PTPRM: variants seen among roughly 807,000 people sequenced by gnomAD.
The protein encoded by PTPRM is receptor-type tyrosine-protein phosphatase mu.
PTPRM carries 47 observed loss-of-function variants against 186.7 expected under a neutral mutation model. The observed-to-expected ratio is 0.25, with a 90% CI of 0.20 to 0.32. PTPRM has a LOEUF of 0.32. Among genes scored for constraint, PTPRM ranks in the 10% least tolerant of loss-of-function variants. The pLI, the probability that PTPRM is intolerant of heterozygous loss-of-function variation, is 1.00. For missense variants in PTPRM, 1,494 were observed against 1,865.0 expected (o/e 0.80, Z 3.66); for synonymous variants, 668 against 674.9 (o/e 0.99, Z 0.16).
intron 7 of PTPRM, among the ~76,000 whole-genome samples, chr18:8,020,176 C>G (rs996925204): frequency 7.2e-5 from 11 of 152,262 alleles, no homozygotes; most frequent in African/African-American, 2.4e-4. Flanking sequence ...GTGCTTATTA[C>G]TTTTTACTTA....
At chr18:7,616,536 G>C (rs1401590382) in intron 1 of PTPRM, among the ~76,000 whole-genome samples, 1 of 152,110 alleles carries the variant, frequency 6.6e-6, no homozygotes, top group East Asian at 1.9e-4. Flanking sequence ...TTTCTCTTTG[G>C]TGGTTGTGGC....
chr18:8,172,992 T>C (rs1475161745), intron 14 of PTPRM, among the ~76,000 whole-genome samples: 2 of 152,194 alleles, frequency 1.3e-5, no homozygotes, highest in Non-Finnish European at 2.9e-5. Context: ...CTTATTTAAG[T>C]TTTCATCTTT....
At chr18:7,979,977 T>G (rs2082457803) in intron 7 of PTPRM, among the ~76,000 whole-genome samples, 1 of 152,186 alleles carries the variant, frequency 6.6e-6, no homozygotes, top group South Asian at 2.1e-4. Context: ...CGCTCCTGCC[T>G]CTGGGCATGC....
At chr18:8,077,507 G>A (rs560079665) in intron 9 of PTPRM, among the ~76,000 whole-genome samples, 8 of 152,208 alleles carry the variant, frequency 5.3e-5, no homozygotes, top group Admixed American at 4.6e-4. Context: ...GAAAAAAGTT[G>A]ATTTTTGTAC....
intron 19 of PTPRM, among the ~76,000 whole-genome samples, chr18:8,259,332 T>A (rs1186813704): frequency 6.6e-6 from 1 of 152,204 alleles, no homozygotes; most frequent in Non-Finnish European, 1.5e-5. Flanking sequence ...AGATTGTTTT[T>A]TAGCTCAGTT....
At chr18:7,607,879 A>T (rs2037573750) in intron 1 of PTPRM, among the ~76,000 whole-genome samples, 1 of 152,234 alleles carries the variant, frequency 6.6e-6, no homozygotes, top group Admixed American at 6.5e-5. Flanking sequence ...TCTGATATTT[A>T]ATCCCGAATG....
At chr18:8,023,855 C>CACACACACACACACAT (rs1193187952) in intron 7 of PTPRM, among the ~76,000 whole-genome samples, 5 of 139,556 alleles carry the variant, frequency 3.6e-5, no homozygotes, top group African/African-American at 1.0e-4. Flanking sequence ...CACACACACA[C>CACACACACACACACAT]ACACACACAC....
chr18:7,783,482 CT>C (rs767273442), intron 2 of PTPRM, among the ~76,000 whole-genome samples: 108 of 152,272 alleles, frequency 7.1e-4, no homozygotes, highest in Non-Finnish European at 4.0e-4. Context: ...AACATTTTCT[CT>C]AAAGACCAGA....
intron 14 of PTPRM, among the ~76,000 whole-genome samples, chr18:8,220,635 T>C (rs575690262): frequency 6.6e-6 from 1 of 152,268 alleles, no homozygotes; most frequent in East Asian, 1.9e-4. Context: ...AAAGCTGTAG[T>C]TCCTCCTGAA....
intron 19 of PTPRM, among the ~76,000 whole-genome samples, chr18:8,286,901 AAG>A (rs1319523456): frequency 6.6e-6 from 1 of 152,154 alleles, no homozygotes; most frequent in Non-Finnish European, 1.5e-5. Flanking sequence ...GTGTCAAAAA[AAG>A]AGTCACAAAT....
intron 2 of PTPRM, among the ~76,000 whole-genome samples, chr18:7,805,095 CT>C (rs2145406463): frequency 6.6e-6 from 1 of 152,340 alleles, no homozygotes; most frequent in Admixed American, 6.5e-5. Flanking sequence ...CACTCTTCGT[CT>C]TTATCCTCTT....
At chr18:8,354,674 A>C (rs2095554268) in intron 23 of PTPRM, among the ~76,000 whole-genome samples, 1 of 152,242 alleles carries the variant, frequency 6.6e-6, no homozygotes, top group African/African-American at 2.4e-5. Flanking sequence ...GCTAGAATTG[A>C]AACTTTGGTC....
At chr18:7,757,335 G>A (rs1353873268) in intron 1 of PTPRM, among the ~76,000 whole-genome samples, 4 of 152,184 alleles carry the variant, frequency 2.6e-5, no homozygotes, top group Admixed American at 6.5e-5. Flanking sequence ...GAGTGCCCTC[G>A]GATGAATCAG....
chr18:8,242,257 G>A (rs1245937667), intron 14 of PTPRM, among the ~76,000 whole-genome samples: 1 of 152,178 alleles, frequency 6.6e-6, no homozygotes, highest in African/African-American at 2.4e-5. Context: ...CAAAAAGAAG[G>A]CATTTTGCCT....
chr18:8,139,190 C>T (rs2092707074), intron 13 of PTPRM, among the ~76,000 whole-genome samples: 5 of 152,194 alleles, frequency 3.3e-5, no homozygotes, highest in Admixed American at 2.6e-4. Flanking sequence ...TCCAAACCTG[C>T]TCCTCCTGCA....
intron 5 of PTPRM, among the ~76,000 whole-genome samples, chr18:7,931,771 A>G (rs1017821483): frequency 4.6e-5 from 7 of 152,262 alleles, no homozygotes; most frequent in Admixed American, 3.3e-4. Context: ...CCTTTAAGCT[A>G]TGTATGGTTG....
intron 11 of PTPRM, among the ~76,000 whole-genome samples, chr18:8,112,762 G>GACCT (rs1431663960): frequency 2.6e-5 from 4 of 152,176 alleles, no homozygotes; most frequent in Admixed American, 6.5e-5. Flanking sequence ...GGGTACCAGA[G>GACCT]ACCTACTCCT....
intron 31 of PTPRM, among the ~76,000 whole-genome samples, chr18:8,389,288 G>A (rs1245509317): frequency 6.6e-6 from 1 of 152,114 alleles, no homozygotes; most frequent in African/African-American, 2.4e-5. Flanking sequence ...TTAACCCACA[G>A]GACTAAGTTA....
At chr18:7,781,514 G>A (rs565370928) in intron 2 of PTPRM, among the ~76,000 whole-genome samples, 135 of 151,034 alleles carry the variant, frequency 8.9e-4, no homozygotes, top group African/African-American at 3.2e-3. Context: ...GGTAAATTAC[G>A]TGTTGCTGAG....
Sources: gnomAD v4.1 joint callset for allele counts (sites outside exome capture counted in the v4.1 genomes callset) on GRCh38, gnomAD v4.1.1 for gene constraint, MANE v1.5 for transcripts, NCBI Gene and HGNC (gene_info 2026-07-23, HGNC 2026-07-21) for gene names.